DPP10: variants seen among roughly 807,000 people sequenced by gnomAD.
DPP10 encodes inactive dipeptidyl peptidase 10.
In DPP10, 33 loss-of-function variants were observed where a neutral mutation model predicts 120.9. That is an observed-to-expected ratio of 0.27 (90% confidence interval 0.21 to 0.37). The LOEUF (loss-of-function observed/expected upper bound fraction) is 0.37, where lower values mean the gene tolerates loss of function less well. DPP10 is among the 10% of genes least tolerant of loss of function. DPP10 has a pLI of 1.00. For synonymous variants in DPP10, 337 were observed against 326.1 expected, an observed-to-expected ratio of 1.03 and a Z score of -0.36; for missense variants, 816 against 942.8, an observed-to-expected ratio of 0.87 and a Z score of 1.76.
intron 1 of DPP10, among the ~76,000 whole-genome samples, chr2:114,512,988 A>G (rs944859215): frequency 1.3e-5 from 2 of 152,164 alleles, no homozygotes; most frequent in African/African-American, 4.8e-5. Flanking sequence ...ACTGCTTGGA[A>G]TACCTTTTAA....
chr2:114,607,085 A>C (rs1233134416), intron 1 of DPP10, among the ~76,000 whole-genome samples: 1 of 152,176 alleles, frequency 6.6e-6, no homozygotes, highest in East Asian at 1.9e-4. Context: ...TCTTCCTAAA[A>C]GATTAATTCT....
chr2:115,526,083 A>G (rs184831677), intron 5 of DPP10, 111 bp downstream of exon 5: 6 of 765,270 alleles, frequency 7.8e-6, no homozygotes, highest in Admixed American at 2.8e-5. Context: ...ATGTCTAGTA[A>G]CTACCGGAGG....
chr2:115,518,359 A>G (rs1450474181), intron 4 of DPP10, among the ~76,000 whole-genome samples: 1 of 152,164 alleles, frequency 6.6e-6, no homozygotes, highest in Non-Finnish European at 1.5e-5. Context: ...TTTTGGAATT[A>G]TTAATTATAA....
chr2:115,744,747 G>T (rs1244273466), intron 9 of DPP10, among the ~76,000 whole-genome samples: 1 of 150,366 alleles, frequency 6.7e-6, no homozygotes, highest in Non-Finnish European at 1.5e-5. Flanking sequence ...GTTGATTCTG[G>T]TCCTGATTTA....
intron 1 of DPP10, among the ~76,000 whole-genome samples, chr2:115,091,237 C>G (rs577538884): frequency 6.8e-4 from 103 of 152,280 alleles, no homozygotes; most frequent in African/African-American, 2.4e-3. Flanking sequence ...TGTGGATTTG[C>G]ATCTAAACCT....
At chr2:115,243,755 C>A (rs2058395182) in intron 1 of DPP10, among the ~76,000 whole-genome samples, 2 of 146,322 alleles carry the variant, frequency 1.4e-5, no homozygotes, top group African/African-American at 5.0e-5. Context: ...TTTCTTCTTG[C>A]TGGTTTTTTT....
intron 3 of DPP10, among the ~76,000 whole-genome samples, chr2:115,477,716 A>T (rs894783257): frequency 2.6e-5 from 4 of 152,188 alleles, no homozygotes; most frequent in Non-Finnish European, 1.5e-5. Flanking sequence ...AGAATAACAA[A>T]GCATTGAGCT....
chr2:115,742,801 A>C (rs1190179049), intron 9 of DPP10, among the ~76,000 whole-genome samples: 1 of 152,148 alleles, frequency 6.6e-6, no homozygotes. Context: ...GTTTATACTA[A>C]ATTGTGCTTT....
intron 1 of DPP10, among the ~76,000 whole-genome samples, chr2:115,102,537 A>G (rs2104627319): frequency 6.6e-6 from 1 of 152,158 alleles, no homozygotes; most frequent in Non-Finnish European, 1.5e-5. Flanking sequence ...CAGCCTCCCA[A>G]GTAGCTGGGA....
chr2:114,610,778 G>A (rs1019824323), intron 1 of DPP10, among the ~76,000 whole-genome samples: 44 of 152,102 alleles, frequency 2.9e-4, no homozygotes, highest in African/African-American at 1.0e-3. Context: ...GGGAGTCAGC[G>A]TCCTTCCTGA....
chr2:115,688,257 G>A (rs954190812), intron 5 of DPP10, among the ~76,000 whole-genome samples: 3 of 152,160 alleles, frequency 2.0e-5, no homozygotes, highest in Non-Finnish European at 4.4e-5. Flanking sequence ...AGGAGCGGGA[G>A]CATAAAGCTT....
chr2:115,128,852 C>T (rs972909497), intron 1 of DPP10, among the ~76,000 whole-genome samples: 4 of 152,136 alleles, frequency 2.6e-5, no homozygotes, highest in East Asian at 1.9e-4. Flanking sequence ...CTTGTTCTTA[C>T]AAATATTTTT....
intron 3 of DPP10, among the ~76,000 whole-genome samples, chr2:115,382,810 G>C (rs2066512083): frequency 1.3e-5 from 2 of 152,186 alleles, no homozygotes; most frequent in Non-Finnish European, 1.5e-5. Context: ...TAGAGGAAGT[G>C]ATGGAAAAAC....
intron 5 of DPP10, among the ~76,000 whole-genome samples, chr2:115,612,193 A>G (rs968807731): frequency 6.6e-6 from 1 of 152,104 alleles, no homozygotes; most frequent in African/African-American, 2.4e-5. Flanking sequence ...ACTTGACTTG[A>G]TCTATTCTTA....
intron 5 of DPP10, among the ~76,000 whole-genome samples, chr2:115,552,950 G>T (rs1350355281): frequency 6.6e-6 from 1 of 152,000 alleles, no homozygotes; most frequent in Non-Finnish European, 1.5e-5. Flanking sequence ...AGATTTTGAG[G>T]TCTTAAGTTT....
chr2:114,602,475 A>G (rs190879775), intron 1 of DPP10, among the ~76,000 whole-genome samples: 14 of 152,140 alleles, frequency 9.2e-5, no homozygotes, highest in Admixed American at 8.5e-4. Flanking sequence ...TATTATCATC[A>G]TCATCCCAGC....
chr2:115,693,200 C>A (rs992620939), intron 7 of DPP10, among the ~76,000 whole-genome samples: 20 of 152,304 alleles, frequency 1.3e-4, no homozygotes, highest in Middle Eastern at 3.4e-3. Flanking sequence ...TCTCTGTAAT[C>A]TATCCCACTA....
intron 2 of DPP10, among the ~76,000 whole-genome samples, chr2:115,330,008 G>C (rs757558552): frequency 6.6e-6 from 1 of 152,072 alleles, no homozygotes; most frequent in Non-Finnish European, 1.5e-5. Context: ...TTGAGGAATC[G>C]CCACACTGTC....
At chr2:115,179,135 G>A (rs1380163974) in intron 1 of DPP10, among the ~76,000 whole-genome samples, 1 of 151,876 alleles carries the variant, frequency 6.6e-6, no homozygotes, top group Non-Finnish European at 1.5e-5. Flanking sequence ...CCTAGTAGAT[G>A]GGTAAAAGAA....
Sources: gnomAD v4.1 joint callset for allele counts (sites outside exome capture counted in the v4.1 genomes callset) on GRCh38, gnomAD v4.1.1 for gene constraint, MANE v1.5 for transcripts, NCBI Gene and HGNC (gene_info 2026-07-23, HGNC 2026-07-21) for gene names.